The following DPYSL2 variants were observed in gnomAD, a reference collection of about 807,000 sequenced individuals.
The protein encoded by DPYSL2 is dihydropyrimidinase-related protein 2.
A neutral mutation model predicts 69.9 loss-of-function variants in DPYSL2; 13 were observed. That is an observed-to-expected ratio of 0.19 (90% CI 0.12 to 0.30). The LOEUF (loss-of-function observed/expected upper bound fraction) is 0.30, where lower values mean the gene tolerates loss of function less well. DPYSL2 is among the 10% of genes least tolerant of loss of function. DPYSL2 has a pLI of 1.00. For missense variants in DPYSL2, 587 were observed against 918.9 expected, an observed-to-expected ratio of 0.64 and a Z score of 4.67; for synonymous variants, 326 against 359.1, an observed-to-expected ratio of 0.91 and a Z score of 1.04.
chr8:26,655,781 T>G lies in DPYSL2; in HGVS notation c.*75T>G. On this transcript the variant is annotated 3_prime_UTR_variant, in exon 14 of 14. Transcript: ENST00000521913. Reference sequence around the variant, plus strand: ...GACATTCTGAGACTTCTTTCTTCCTTCCTTTTTTTTTTTTTGTTTTTTTTT... The same window carrying G: ...GACATTCTGAGACTTCTTTCTTCCTGCCTTTTTTTTTTTTTGTTTTTTTTT... 2 of 1,169,378 alleles carry G rather than the reference T, an allele frequency of 1.7e-6. No individual in the cohort carries two copies. The highest frequency in any genetic ancestry group is 2.3e-6 in the Non-Finnish European group (2 of 862,542). 72.4% of individuals were successfully genotyped at this position (1,169,378 alleles called of 1,614,324 possible). A position where few individuals can be genotyped will look rare whatever the true frequency, so the allele number is the denominator to read the frequency against.
At chr8:26,600,232 ATTTGCG>A (rs1391878308) in intron 3 of DPYSL2, among the ~76,000 whole-genome samples, 1 of 152,092 alleles carries the variant, frequency 6.6e-6, no homozygotes, top group East Asian at 1.9e-4. Flanking sequence ...GTGGGCAAGC[ATTTGCG>A]TGGGCGTGTG....
intron 1 of DPYSL2, among the ~76,000 whole-genome samples, chr8:26,552,593 T>G (rs1437944317): frequency 1.3e-5 from 2 of 152,222 alleles, no homozygotes; most frequent in Non-Finnish European, 2.9e-5. Context: ...GTCCATGTGC[T>G]ATTTCTGGTG....
At chr8:26,635,321 G>C (rs1165908451) in intron 8 of DPYSL2, among the ~76,000 whole-genome samples, 1 of 152,234 alleles carries the variant, frequency 6.6e-6, no homozygotes, top group Non-Finnish European at 1.5e-5. Context: ...GCTTTGTGGG[G>C]TGTGGGGATG....
chr8:26,578,563 T>G, intron 1 of DPYSL2: 1 of 1,366,416 alleles, frequency 7.3e-7, no homozygotes, highest in East Asian at 3.0e-5. Flanking sequence ...CTATCTTTTA[T>G]TGTCAGTGAG....
intron 1 of DPYSL2, among the ~76,000 whole-genome samples, chr8:26,558,807 T>G (rs1010930087): frequency 1.3e-5 from 2 of 152,222 alleles, no homozygotes; most frequent in African/African-American, 4.8e-5. Context: ...GGGATCCTAA[T>G]GTATAAACTC....
intron 1 of DPYSL2, among the ~76,000 whole-genome samples, chr8:26,561,732 C>A (rs1162351783): frequency 6.6e-6 from 1 of 152,160 alleles, no homozygotes; most frequent in Non-Finnish European, 1.5e-5. Flanking sequence ...GGGCCTTCGT[C>A]AGATTCTCGT....
chr8:26,627,953 C>G lies in DPYSL2; in HGVS notation c.1005+13C>G, dbSNP rs766367930. The G allele has an allele frequency of 6.2e-7, 1 of 1,612,692 alleles. No individual in the cohort carries two copies. The highest frequency in any genetic ancestry group is 1.1e-5 in the South Asian group (1 of 90,730). ...CCGACCTGAGGAGGTGAATGTTCAC[C>G]AAGCGGAATGCGTGAATCAGTGTCC... is the stretch of plus-strand genomic sequence containing the variant. On this transcript the variant is annotated intron_variant, in intron 7 of 13. Coordinates refer to ENST00000521913, the MANE Select transcript of DPYSL2 (RefSeq NM_001197293.3). This position sits in a 1 kb window ranked among gnomAD's most constrained non-coding sequence, Gnocchi z 6.9.
intron 1 of DPYSL2, among the ~76,000 whole-genome samples, chr8:26,551,243 TCA>T (rs1407573649): frequency 6.6e-6 from 1 of 152,164 alleles, no homozygotes; most frequent in Non-Finnish European, 1.5e-5. Flanking sequence ...CAATCTACTA[TCA>T]CACCATGCTA....
At chr8:26,615,556 C>T (rs1422995099) in intron 3 of DPYSL2, among the ~76,000 whole-genome samples, 2 of 152,038 alleles carry the variant, frequency 1.3e-5, no homozygotes, top group Admixed American at 6.6e-5. Context: ...GAGGAAGAGG[C>T]TAAAGTTGTC....
chr8:26,577,316 G>C (rs1017239430), intron 1 of DPYSL2: 2 of 241,522 alleles, frequency 8.3e-6, no homozygotes, highest in African/African-American at 2.4e-5. Flanking sequence ...CTCCCCGCCG[G>C]GTTCCCGCCC....
intron 1 of DPYSL2, among the ~76,000 whole-genome samples, chr8:26,579,039 C>T (rs1419311477): frequency 6.6e-6 from 1 of 152,228 alleles, no homozygotes; most frequent in East Asian, 1.9e-4. Context: ...TCTTTTCCGC[C>T]CCTTCTGCCG....
Position 26,643,809 on chromosome 8 carries a change from C to T in DPYSL2, c.1284-141C>T. Reference sequence around the variant, plus strand: ...TAAAAACCTGGGCCATGTTGAAAGTCAAGCCAAGAAGGGAGAGGAGGCGTC... The same window carrying T: ...TAAAAACCTGGGCCATGTTGAAAGTTAAGCCAAGAAGGGAGAGGAGGCGTC... On this transcript the variant is annotated intron_variant, in intron 9 of 13. Transcript: ENST00000521913. The surrounding 1 kb of genome is among the most constrained non-coding windows in gnomAD (Gnocchi z 6.5). 1 of 1,296,000 alleles carries T rather than the reference C, an allele frequency of 7.7e-7. No homozygotes were observed. Among genetic ancestry groups the T allele is most frequent in the Non-Finnish European group, 1.0e-6 (1 of 952,716 alleles). The allele number at this position is 1,296,000 out of a possible 1,614,324, so 80.3% of individuals were successfully genotyped here.
chr8:26,534,893 A>G (rs542486255), intron 1 of DPYSL2, among the ~76,000 whole-genome samples: 1 of 152,256 alleles, frequency 6.6e-6, no homozygotes, highest in South Asian at 2.1e-4. Flanking sequence ...TCAGCCTCCC[A>G]AAACACTGGG....
At chr8:26,584,821 G>A (rs1247566975) in intron 3 of DPYSL2, among the ~76,000 whole-genome samples, 1 of 152,032 alleles carries the variant, frequency 6.6e-6, no homozygotes, top group Non-Finnish European at 1.5e-5. Context: ...GGTCTTCCAT[G>A]TTAGTCAGGC....
chr8:26,535,637 T>TATATA (rs199796205), intron 1 of DPYSL2, among the ~76,000 whole-genome samples: 31 of 144,204 alleles, frequency 2.1e-4, no homozygotes, highest in Admixed American at 7.6e-4. Context: ...ATATATATAT[T>TATATA]TTTTTTTTCA....
At chr8:26,552,420 G>A (rs1800885968) in intron 1 of DPYSL2, among the ~76,000 whole-genome samples, 1 of 152,096 alleles carries the variant, frequency 6.6e-6, no homozygotes, top group Non-Finnish European at 1.5e-5. Flanking sequence ...TTGAAAACAG[G>A]AAATCAAAAG....
At position 26,638,935 on chromosome 8, in the gene DPYSL2, A is replaced by T. The variant is rs569240206; in HGVS notation, c.1126+4035A>T. On this transcript the variant is annotated intron_variant, in intron 8 of 13. Transcript: ENST00000521913. ...TGTGTGAAATCCAGCATGACTGCTG[A>T]TGCCTTCCATGTGTGAGTGGTGGCC... 2.6e-5 allele frequency among the ~76,000 whole-genome samples: 4 copies of T among 152,332 alleles called. No homozygotes were observed. In the East Asian group the frequency reaches 7.7e-4, roughly 29 times the overall value.
intron 2 of DPYSL2, among the ~76,000 whole-genome samples, chr8:26,583,167 T>A (rs1380447713): frequency 6.6e-6 from 1 of 152,222 alleles, no homozygotes; most frequent in Non-Finnish European, 1.5e-5. Context: ...TAGAAAGATA[T>A]AAAAATATTT....
chr8:26,638,346 A>T (rs538794728), intron 8 of DPYSL2, among the ~76,000 whole-genome samples: 1 of 152,328 alleles, frequency 6.6e-6, no homozygotes, highest in Admixed American at 6.5e-5. Context: ...GTGAGCTTTG[A>T]AAAATGATAA....
Sources: allele counts gnomAD v4.1 joint callset (sites outside exome capture counted in the v4.1 genomes callset), GRCh38; gene constraint gnomAD v4.1.1; non-coding constraint Gnocchi (gnomAD v3.1); transcripts MANE v1.5; gene names NCBI Gene and HGNC (gene_info 2026-07-23, HGNC 2026-07-21).